Variants in DCLK2 observed in about 807,000 individuals in gnomAD.
DCLK2 encodes the protein doublecortin like kinase 2.
Under a neutral mutation model 78.4 loss-of-function variants are expected in DCLK2, and 31 were observed. That is an observed-to-expected ratio of 0.40 (90% CI 0.30 to 0.53). The LOEUF is 0.53. Among genes scored for constraint, DCLK2 ranks in the 20% least tolerant of loss-of-function variants. DCLK2 has a pLI of 0.61. For missense variants in DCLK2, 872 were observed against 973.7 expected (o/e 0.90, Z 1.39); for synonymous variants, 407 against 374.9 (o/e 1.09, Z -0.99).
intron 2 of DCLK2, among the ~76,000 whole-genome samples, chr4:150,120,422 A>G (rs1185256361): frequency 6.6e-6 from 1 of 151,988 alleles, no homozygotes; most frequent in East Asian, 1.9e-4. Flanking sequence ...CCTTATTGTC[A>G]TTGATTTCTC....
intron 1 of DCLK2, among the ~76,000 whole-genome samples, chr4:150,098,856 C>T (rs567870224): frequency 5.7e-4 from 86 of 151,928 alleles, no homozygotes; most frequent in African/African-American, 2.0e-3. Context: ...CCACCACACC[C>T]GGCTAATTTT....
At chr4:150,248,864 A>C (rs1212861268) in intron 14 of DCLK2, among the ~76,000 whole-genome samples, 2 of 152,050 alleles carry the variant, frequency 1.3e-5, no homozygotes, top group African/African-American at 4.8e-5. Context: ...TATTGACTAG[A>C]GTTCCCTCCC....
In DCLK2 at chr4:150,190,569, C is replaced by T. The variant is rs183518353; in HGVS notation, c.757-2569C>T. 1.6e-4 allele frequency among the ~76,000 whole-genome samples: 24 copies of T among 152,094 alleles called. No homozygotes were observed. In the South Asian group the frequency reaches 1.7e-3, roughly 11 times the overall value. ...TCAAATGCCACATATCTTATGGTTCCGTATACATGAAGTGTCCAGAACTGG... is the reference window on the plus strand; with the variant it reads ...TCAAATGCCACATATCTTATGGTTCTGTATACATGAAGTGTCCAGAACTGG... On this transcript the variant is annotated intron_variant, in intron 2 of 15. Transcript: ENST00000296550.
At position 150,102,695 on chromosome 4, in the gene DCLK2, G is replaced by C. The variant is rs1386712167; in HGVS notation, c.639G>C (p.Arg213=). 6.2e-7 allele frequency: 1 copy of C among 1,613,994 alleles called. No individual in the cohort carries two copies. Among genetic ancestry groups the C allele is most frequent in the African/African-American group, 1.3e-5 (1 of 74,902 alleles). ...RSGVKPRKAV[R]ILLNKKTAHS... Reference sequence around the variant, plus strand: ...GAGTGAAGCCTAGAAAAGCCGTGCGGATCCTTCTGAATAAAAAGACTGCTC... The same window carrying C: ...GAGTGAAGCCTAGAAAAGCCGTGCGCATCCTTCTGAATAAAAAGACTGCTC... Residue 213 remains arginine (R), a synonymous_variant, in exon 2 of 16, where the codon CGG becomes CGC. Transcript: ENST00000296550.
In DCLK2 at chr4:150,102,648, T is replaced by G; in HGVS notation, c.592T>G (p.Leu198Val). The change falls in exon 2 of 16, where the codon TTA (leucine) becomes GTA (valine). Residue 198 changes from leucine (L) to valine (V), a missense_variant. By Grantham distance (32) the Leu-to-Val change is conservative. This residue lies in a region of DCLK2 where 567 missense variants were observed against 593.4 expected (regional missense o/e 0.96). Coordinates refer to ENST00000296550, the MANE Select transcript of DCLK2 (RefSeq NM_001040260.4). ...KESKDFIKPK[L>V]VTVIRSGVKP... Reference sequence around the variant, plus strand: ...AAGTAAAGATTTCATCAAACCCAAGTTAGTGACTGTGATTCGAAGTGGAGT... The same window carrying G: ...AAGTAAAGATTTCATCAAACCCAAGGTAGTGACTGTGATTCGAAGTGGAGT... 6.2e-7 allele frequency: 1 copy of G among 1,614,132 alleles called. No homozygotes were observed.
chr4:150,128,387 A>G (rs1385431016), intron 2 of DCLK2, among the ~76,000 whole-genome samples: 9 of 152,174 alleles, frequency 5.9e-5, no homozygotes, highest in African/African-American at 2.2e-4. Context: ...GGGTGTTTGA[A>G]ATCAAATAGG....
At chr4:150,163,531 T>C (rs28699120) in intron 2 of DCLK2, among the ~76,000 whole-genome samples, 7,896 of 152,234 alleles carry the variant, frequency 0.052, 664 homozygotes, top group African/African-American at 0.18. Context: ...CGCCACCCCA[T>C]GGTGTGTGAT....
intron 2 of DCLK2, among the ~76,000 whole-genome samples, chr4:150,165,448 G>T (rs920812337): frequency 6.6e-6 from 1 of 152,028 alleles, no homozygotes; most frequent in African/African-American, 2.4e-5. Context: ...TGGAAAATTT[G>T]CTCCAATTGC....
chr4:150,224,042 T>A (rs945502442), intron 7 of DCLK2, among the ~76,000 whole-genome samples: 1 of 152,154 alleles, frequency 6.6e-6, no homozygotes, highest in South Asian at 2.1e-4. Context: ...GATTTACATA[T>A]AGAAAAACTA....
intron 2 of DCLK2, among the ~76,000 whole-genome samples, chr4:150,125,498 T>C (rs1732857918): frequency 1.3e-5 from 2 of 152,350 alleles, no homozygotes; most frequent in East Asian, 3.9e-4. Flanking sequence ...CAAAGTTTTA[T>C]ATACTATTTT....
At chr4:150,224,681 A>G (rs1741463957) in intron 8 of DCLK2, 123 bp downstream of exon 8, 5 of 673,594 alleles carry the variant, frequency 7.4e-6, no homozygotes, top group African/African-American at 5.5e-5. Flanking sequence ...GAGACCAGTA[A>G]TAGTGGGAAA....
At chr4:150,089,948 G>T (rs1445833901) in intron 1 of DCLK2, among the ~76,000 whole-genome samples, 2 of 152,158 alleles carry the variant, frequency 1.3e-5, no homozygotes, top group Non-Finnish European at 2.9e-5. Context: ...GCCTTAACTT[G>T]CTGTGAACAT....
chr4:150,204,728 C>G, intron 5 of DCLK2, among the ~76,000 whole-genome samples: 1 of 151,982 alleles, frequency 6.6e-6, no homozygotes. Context: ...CCTGACTCTA[C>G]TAAAAATACA....
chr4:150,177,425 T>C (rs974427647), intron 2 of DCLK2, among the ~76,000 whole-genome samples: 1 of 152,180 alleles, frequency 6.6e-6, no homozygotes, highest in African/African-American at 2.4e-5. Flanking sequence ...ATTAGAGATG[T>C]AGTCTATGGG....
chr4:150,143,746 C>T (rs1286597771), intron 2 of DCLK2, among the ~76,000 whole-genome samples: 10 of 152,134 alleles, frequency 6.6e-5, no homozygotes, highest in Admixed American at 6.6e-4. Flanking sequence ...AGTAGCCATT[C>T]TGACTGGTGT....
intron 15 of DCLK2, chr4:150,253,383 G>C (rs1224080819): frequency 9.5e-6 from 12 of 1,263,634 alleles, no homozygotes; most frequent in Admixed American, 6.8e-5. Flanking sequence ...TGGGGCCTGA[G>C]ACTTCAGTGA....
chr4:150,174,825 T>C (rs28420313), intron 2 of DCLK2, among the ~76,000 whole-genome samples: 48,984 of 147,974 alleles, frequency 0.33, 8,671 homozygotes, highest in African/African-American at 0.46. Context: ...GGTGAAACCC[T>C]GTATCCACTG....
intron 10 of DCLK2, among the ~76,000 whole-genome samples, chr4:150,233,060 C>T (rs1742205126): frequency 1.3e-5 from 2 of 152,160 alleles, no homozygotes; most frequent in Non-Finnish European, 2.9e-5. Flanking sequence ...TAAAGAACTA[C>T]CTGAGACTGG....
chr4:150,083,075 G>A (rs7673545), intron 1 of DCLK2, among the ~76,000 whole-genome samples: 50,990 of 151,916 alleles, frequency 0.34, 8,991 homozygotes, highest in East Asian at 0.42. Context: ...GTTTAAAAAT[G>A]TGTATGTACC....
Sources: gnomAD v4.1 joint callset for allele counts (sites outside exome capture counted in the v4.1 genomes callset) on GRCh38, gnomAD v4.1.1 for gene constraint, gnomAD v4.1.1 regional missense constraint, MANE v1.5 for transcripts, NCBI Gene and HGNC (gene_info 2026-07-23, HGNC 2026-07-21) for gene names.